The following TRAPPC9 variants were observed in gnomAD, a reference collection of about 807,000 sequenced individuals.
The protein encoded by TRAPPC9 is IKK2 binding protein.
TRAPPC9 carries 83 observed loss-of-function variants against 124.0 expected under a neutral mutation model. That is an observed-to-expected ratio of 0.67 (90% CI 0.56 to 0.80). The LOEUF is 0.80. Ranked by LOEUF, TRAPPC9 falls within the 30% of genes least tolerant of loss-of-function variation. The pLI, the probability that TRAPPC9 is intolerant of heterozygous loss-of-function variation, is 0.00. For synonymous variants in TRAPPC9, 638 were observed against 617.5 expected, an observed-to-expected ratio of 1.03 and a Z score of -0.49; for missense variants, 1,302 against 1,508.3, an observed-to-expected ratio of 0.86 and a Z score of 2.27.
intron 17 of TRAPPC9, among the ~76,000 whole-genome samples, chr8:140,145,406 T>C (rs1487294138): frequency 2.0e-5 from 3 of 152,088 alleles, no homozygotes; most frequent in Non-Finnish European, 4.4e-5. Context: ...CAACATTAAG[T>C]ATGTTTCCTA....
intron 21 of TRAPPC9, among the ~76,000 whole-genome samples, chr8:139,816,837 C>T (rs1470549499): frequency 6.6e-6 from 1 of 152,120 alleles, no homozygotes; most frequent in East Asian, 1.9e-4. Flanking sequence ...CTCCTTCCAT[C>T]AGCTGCTTGG....
intron 21 of TRAPPC9, among the ~76,000 whole-genome samples, chr8:139,773,267 G>A (rs1821112598): frequency 6.6e-6 from 1 of 152,228 alleles, no homozygotes; most frequent in Non-Finnish European, 1.5e-5. Flanking sequence ...AGGTTTCAAC[G>A]AAAATCCAAA....
chr8:139,805,670 A>G (rs1292258504), intron 21 of TRAPPC9, among the ~76,000 whole-genome samples: 1 of 152,220 alleles, frequency 6.6e-6, no homozygotes, highest in Non-Finnish European at 1.5e-5. Context: ...TGCAGAGTCC[A>G]CAAGAGGAGT....
At chr8:139,851,567 G>A (rs1227892485) in intron 21 of TRAPPC9, among the ~76,000 whole-genome samples, 1 of 152,102 alleles carries the variant, frequency 6.6e-6, no homozygotes. Flanking sequence ...CCTGAACTCT[G>A]GTCTCCAGAG....
At chr8:140,382,373 G>A (rs2068634406) in intron 7 of TRAPPC9, among the ~76,000 whole-genome samples, 1 of 152,232 alleles carries the variant, frequency 6.6e-6, no homozygotes, top group South Asian at 2.1e-4. Flanking sequence ...AAAGGGTCAG[G>A]GAATTCCCTT....
chr8:139,801,435 G>A (rs532394966), intron 21 of TRAPPC9, among the ~76,000 whole-genome samples: 3 of 152,336 alleles, frequency 2.0e-5, no homozygotes, highest in African/African-American at 4.8e-5. Flanking sequence ...AGGAATCTGG[G>A]GCCCAGGGAG....
chr8:140,454,640 C>CA (rs34042143), intron 1 of TRAPPC9, among the ~76,000 whole-genome samples: 29,141 of 67,848 alleles, frequency 0.43, 6,048 homozygotes, highest in Non-Finnish European at 0.51. Flanking sequence ...GACTCCCTCT[C>CA]AAAAAAAAAA....
intron 18 of TRAPPC9, among the ~76,000 whole-genome samples, chr8:139,997,279 T>C (rs975583672): frequency 1.3e-5 from 2 of 151,040 alleles, no homozygotes; most frequent in Non-Finnish European, 2.9e-5. Flanking sequence ...GGGGAGACAA[T>C]GCACCCTACA....
chr8:139,975,656 T>G (rs1261985912), intron 19 of TRAPPC9, among the ~76,000 whole-genome samples: 1 of 152,182 alleles, frequency 6.6e-6, no homozygotes, highest in African/African-American at 2.4e-5. Context: ...CCCAGCCAAG[T>G]TGACCCCTCA....
At chr8:140,404,681 T>C (rs2069408145) in intron 6 of TRAPPC9, among the ~76,000 whole-genome samples, 1 of 150,360 alleles carries the variant, frequency 6.7e-6, no homozygotes, top group Non-Finnish European at 1.5e-5. Flanking sequence ...TATGTGAGCA[T>C]GTGTGTGTAC....
At chr8:139,782,156 G>A (rs1453098948) in intron 21 of TRAPPC9, among the ~76,000 whole-genome samples, 1 of 152,208 alleles carries the variant, frequency 6.6e-6, no homozygotes, top group East Asian at 1.9e-4. Context: ...GAGGCAGGCA[G>A]ATCACTTGAG....
chr8:139,963,929 TTA>T (rs1475862762), intron 19 of TRAPPC9, among the ~76,000 whole-genome samples: 1 of 152,052 alleles, frequency 6.6e-6, no homozygotes. Flanking sequence ...TATAAAAAAA[TTA>T]TGTTTGTTTT....
chr8:139,789,381 G>T (rs1822495077), intron 21 of TRAPPC9, among the ~76,000 whole-genome samples: 1 of 152,206 alleles, frequency 6.6e-6, no homozygotes, highest in Admixed American at 6.5e-5. Context: ...CGAAGGGTGT[G>T]CACGCTGCCC....
chr8:139,743,349 C>A (rs1586744346), intron 21 of TRAPPC9, among the ~76,000 whole-genome samples: 1 of 152,130 alleles, frequency 6.6e-6, no homozygotes, highest in Non-Finnish European at 1.5e-5. Context: ...AAACAGGGGA[C>A]TAAGTAGACT....
At position 139,988,795 on chromosome 8, in the gene TRAPPC9, G is replaced by A. The variant is rs1339133695; in HGVS notation, c.2741C>T (p.Thr914Ile). 9.0e-6 allele frequency: 14 copies of A among 1,551,558 alleles called. No homozygotes were observed. Among genetic ancestry groups the A allele is most frequent in the African/African-American group, 1.4e-5 (1 of 73,176 alleles). ...GGTGCTGACGGTCAGCTCATGCTCGGTGGAGTTGAAGACATCCAGGAGCAG... is the reference window on the plus strand; with the variant it reads ...GGTGCTGACGGTCAGCTCATGCTCGATGGAGTTGAAGACATCCAGGAGCAG... ...CHLLLDVFNS[T>I]EHELTVSTRS... The change falls in exon 19 of 23, where the codon ACC becomes ATC. Residue 914 changes from threonine to isoleucine, a missense_variant. Physicochemically the swap from Thr to Ile is moderately conservative, Grantham distance 89. This residue lies in a region of TRAPPC9 where 640 missense variants were observed against 679.3 expected (regional missense o/e 0.94). Coordinates refer to ENST00000438773, the MANE Select transcript of TRAPPC9 (RefSeq NM_001160372.4).
chr8:140,136,507 TC>T (rs2061306182), intron 17 of TRAPPC9, among the ~76,000 whole-genome samples: 1 of 151,928 alleles, frequency 6.6e-6, no homozygotes, highest in Admixed American at 6.6e-5. Flanking sequence ...CAGAAATGAG[TC>T]ACAAACTCTA....
At chr8:139,880,759 T>C (rs1829629930) in intron 21 of TRAPPC9, among the ~76,000 whole-genome samples, 1 of 152,260 alleles carries the variant, frequency 6.6e-6, no homozygotes, top group African/African-American at 2.4e-5. Context: ...ACATGTTCAC[T>C]GGAAACAGCA....
chr8:139,899,638 T>C (rs534686434), intron 20 of TRAPPC9, among the ~76,000 whole-genome samples: 9 of 152,234 alleles, frequency 5.9e-5, no homozygotes, highest in African/African-American at 2.2e-4. Flanking sequence ...TCCCCATAAT[T>C]ACCCCCAAGA....
At chr8:139,949,327 G>C (rs1254446735) in intron 19 of TRAPPC9, among the ~76,000 whole-genome samples, 1 of 152,128 alleles carries the variant, frequency 6.6e-6, no homozygotes, top group Non-Finnish European at 1.5e-5. Flanking sequence ...ACTCACCAAA[G>C]CTGACTAAAG....
Sources: gnomAD v4.1 joint callset for allele counts (sites outside exome capture counted in the v4.1 genomes callset) on GRCh38, gnomAD v4.1.1 for gene constraint, gnomAD v4.1.1 regional missense constraint, MANE v1.5 for transcripts, NCBI Gene and HGNC (gene_info 2026-07-23, HGNC 2026-07-21) for gene names.